Variants in C1orf21 observed in about 807,000 individuals in gnomAD.
The protein encoded by C1orf21 is uncharacterized protein C1orf21.
Under a neutral mutation model 18.7 loss-of-function variants are expected in C1orf21, and 3 were observed. That is an observed-to-expected ratio of 0.16 (90% CI 0.07 to 0.42). C1orf21 has a LOEUF of 0.42. Among genes scored for constraint, C1orf21 ranks in the 10% least tolerant of loss-of-function variants. The pLI, the probability that C1orf21 is intolerant of heterozygous loss-of-function variation, is 0.99. For missense variants in C1orf21, 104 were observed against 143.6 expected (o/e 0.72, Z 1.41); for synonymous variants, 41 against 46.4 (o/e 0.88, Z 0.47).
In C1orf21 at chr1:184,598,402, A is replaced by G. The variant is rs148932425; in HGVS notation, c.268A>G (p.Met90Val). ...ACTTAACTACCCTTTGTTTTTCAGC[A>G]TGCACATCTCTGAAAGCCAACAAGA... is the stretch of plus-strand genomic sequence containing the variant. ...PGLVHQPRAN[M>V]HISESQQEFF... The change falls in exon 5 of 6, where the codon ATG becomes GTG. Residue 90 changes from methionine (M) to valine (V), a missense_variant and splice_region_variant. By Grantham distance (21) the Met-to-Val change is conservative. Coordinates refer to ENST00000235307, the MANE Select transcript of C1orf21 (RefSeq NM_030806.4). 154 of 1,613,700 alleles carry G rather than the reference A, an allele frequency of 9.5e-5. No homozygotes were observed. Among genetic ancestry groups the G allele is most frequent in the Non-Finnish European group, 1.3e-4 (150 of 1,179,894 alleles).
chr1:184,511,404 C>T (rs1043106879), intron 3 of C1orf21, among the ~76,000 whole-genome samples: 2 of 152,114 alleles, frequency 1.3e-5, no homozygotes, highest in Non-Finnish European at 2.9e-5. Flanking sequence ...ATTCAGGGTA[C>T]TATGTGAAAA....
chr1:184,459,836 A>G (rs541830480), intron 1 of C1orf21, among the ~76,000 whole-genome samples: 4 of 152,296 alleles, frequency 2.6e-5, no homozygotes, highest in African/African-American at 9.6e-5. Context: ...AGCTGAGGCA[A>G]GAGGTTGAGC....
intron 3 of C1orf21, among the ~76,000 whole-genome samples, chr1:184,586,338 A>G (rs1472165271): frequency 2.2e-5 from 3 of 139,288 alleles, no homozygotes; most frequent in Non-Finnish European, 4.5e-5. Flanking sequence ...GCTGGAGTGC[A>G]GTGGTGCAAT....
intron 3 of C1orf21, among the ~76,000 whole-genome samples, chr1:184,513,083 C>T (rs894123136): frequency 3.3e-5 from 5 of 152,170 alleles, no homozygotes; most frequent in African/African-American, 1.2e-4. Context: ...CATTCCAAAG[C>T]TCCACCCCTT....
chr1:184,454,774 C>T (rs1002755495), intron 1 of C1orf21, among the ~76,000 whole-genome samples: 6 of 152,172 alleles, frequency 3.9e-5, no homozygotes, highest in Non-Finnish European at 8.8e-5. Context: ...CATGTGCTAG[C>T]ATCATGCTTC....
Position 184,620,958 on chromosome 1 carries a change from G to T in C1orf21, c.*1402G>T, listed in dbSNP as rs572231416. The T allele has an allele frequency of 2.0e-5, 3 of 152,414 alleles. No homozygotes were observed. The highest frequency in any genetic ancestry group is 2.1e-4 in the South Asian group (1 of 4,816). 9.4% of individuals were successfully genotyped at this position (152,414 alleles called of 1,614,324 possible). A position where few individuals can be genotyped will look rare whatever the true frequency, so the allele number is the denominator to read the frequency against. ...GGGAGGGCATCCTATTAAATGCCACGCCAGCAGTCCGGGTCTGGGTTTGTC... is the reference window on the plus strand; with the variant it reads ...GGGAGGGCATCCTATTAAATGCCACTCCAGCAGTCCGGGTCTGGGTTTGTC... On this transcript the variant is annotated 3_prime_UTR_variant, in exon 6 of 6. Coordinates refer to ENST00000235307, the MANE Select transcript of C1orf21 (RefSeq NM_030806.4).
intron 1 of C1orf21, among the ~76,000 whole-genome samples, chr1:184,468,421 T>A (rs1300146583): frequency 6.6e-6 from 1 of 151,948 alleles, no homozygotes; most frequent in Non-Finnish European, 1.5e-5. Flanking sequence ...AGGAGGAAGG[T>A]GGTTATTTTG....
At chr1:184,558,736 T>G (rs1317072195) in intron 3 of C1orf21, among the ~76,000 whole-genome samples, 1 of 152,220 alleles carries the variant, frequency 6.6e-6, no homozygotes, top group Non-Finnish European at 1.5e-5. Flanking sequence ...ATAGTGATAA[T>G]AATAGTAACA....
chr1:184,442,236 T>C (rs1423309344), intron 1 of C1orf21, among the ~76,000 whole-genome samples: 2 of 152,188 alleles, frequency 1.3e-5, no homozygotes, highest in African/African-American at 2.4e-5. Context: ...ATTGTAGTTG[T>C]TCATAACAAT....
At position 184,472,329 on chromosome 1, in the gene C1orf21, G is replaced by C. The variant is rs117906610; in HGVS notation, c.-124-5057G>C. 2.4e-3 allele frequency among the ~76,000 whole-genome samples: 363 copies of C among 152,206 alleles called. 4 individuals are homozygous for C. The East Asian group carries it at 0.029, about 12-fold the overall frequency. ...AACTGCTGACTTCATAGCTCTCTGT[G>C]TGCCCGTTGCAATCAGAATTTGATT... is the stretch of plus-strand genomic sequence containing the variant. On this transcript the variant is annotated intron_variant, in intron 1 of 5. Transcript: ENST00000235307.
In C1orf21 at chr1:184,415,551, G is replaced by C. The variant is rs534106043; in HGVS notation, c.-125+28183G>C. Among the ~76,000 whole-genome samples the C allele has an allele frequency of 6.6e-5, 10 of 152,132 alleles. No homozygotes were observed. The South Asian group carries it at 1.9e-3, about 29-fold the overall frequency. On this transcript the variant is annotated intron_variant, in intron 1 of 5. Transcript: ENST00000235307. ...GTAGGTCAGTGCTTTCCAAACTGTGGGAGGTGACCTATTAATGAGTCATTA... is the reference window on the plus strand; with the variant it reads ...GTAGGTCAGTGCTTTCCAAACTGTGCGAGGTGACCTATTAATGAGTCATTA...
intron 1 of C1orf21, among the ~76,000 whole-genome samples, chr1:184,423,128 A>G (rs932478052): frequency 6.6e-6 from 1 of 152,222 alleles, no homozygotes; most frequent in Non-Finnish European, 1.5e-5. Flanking sequence ...ATTTAACAGA[A>G]TGCCTGGTTT....
chr1:184,570,624 T>G (rs1252948179), intron 3 of C1orf21, among the ~76,000 whole-genome samples: 1 of 152,204 alleles, frequency 6.6e-6, no homozygotes, highest in East Asian at 1.9e-4. Context: ...AGACACATTT[T>G]TAAAGTTTTT....
At position 184,477,447 on chromosome 1, in the gene C1orf21, A is replaced by T; in HGVS notation, c.-63A>T. ...TTTTCTTTGTGTTTAAAGAAAAAAA[A>T]TGTCCCTGTGTCTGTAGAGATGATT... is the stretch of plus-strand genomic sequence containing the variant. On this transcript the variant is annotated 5_prime_UTR_variant, in exon 2 of 6. It removes an upstream start codon present in the reference 5' UTR. Coordinates refer to ENST00000235307, the MANE Select transcript of C1orf21 (RefSeq NM_030806.4). 5.1e-6 allele frequency: 7 copies of T among 1,383,512 alleles called. No individual in the cohort carries two copies. Among genetic ancestry groups the T allele is most frequent in the Non-Finnish European group, 7.0e-6 (7 of 994,888 alleles). The allele number at this position is 1,383,512 out of a possible 1,614,324, so 85.7% of individuals were successfully genotyped here. A position where few individuals can be genotyped will look rare whatever the true frequency, so the allele number is the denominator to read the frequency against.
Position 184,568,360 on chromosome 1 carries a change from C to T in C1orf21, c.190-22379C>T, listed in dbSNP as rs1455994611. On this transcript the variant is annotated intron_variant, in intron 3 of 5. Transcript: ENST00000235307. ...TCTTGCAAAACTTAAACTTTGTACC[C>T]ATTAAACACTAACTCCTCCTTCCTC... 4 of 457,618 alleles carry T rather than the reference C, an allele frequency of 8.7e-6. No individual in the cohort carries two copies. In the East Asian group the frequency reaches 2.8e-4, roughly 32 times the overall value. The allele number at this position is 457,618 out of a possible 1,614,324, so 28.3% of individuals were successfully genotyped here. A position where few individuals can be genotyped will look rare whatever the true frequency, so the allele number is the denominator to read the frequency against.
chr1:184,584,081 T>G (rs981979278), intron 3 of C1orf21, among the ~76,000 whole-genome samples: 2 of 151,598 alleles, frequency 1.3e-5, no homozygotes, highest in African/African-American at 2.4e-5. Context: ...CTCCCACCAC[T>G]TTCTCCTTCC....
chr1:184,430,353 C>A (rs1656720827), intron 1 of C1orf21, among the ~76,000 whole-genome samples: 1 of 152,088 alleles, frequency 6.6e-6, no homozygotes, highest in Admixed American at 6.5e-5. Context: ...AGCCCCTCCT[C>A]AGATATGAGG....
At chr1:184,449,800 A>G (rs1198383693) in intron 1 of C1orf21, among the ~76,000 whole-genome samples, 1 of 152,222 alleles carries the variant, frequency 6.6e-6, no homozygotes, top group Non-Finnish European at 1.5e-5. Flanking sequence ...TGGATTAGCA[A>G]CTGTGAGTTT....
At chr1:184,587,114 G>C (rs917013375) in intron 3 of C1orf21, among the ~76,000 whole-genome samples, 6 of 152,028 alleles carry the variant, frequency 3.9e-5, no homozygotes, top group Non-Finnish European at 8.8e-5. Context: ...CTTATTTCTG[G>C]GTTCTCTGTT....
Sources: allele counts gnomAD v4.1 joint callset (sites outside exome capture counted in the v4.1 genomes callset), GRCh38; gene constraint gnomAD v4.1.1; transcripts MANE v1.5; gene names NCBI Gene and HGNC (gene_info 2026-07-23, HGNC 2026-07-21).